CRYL1: variants seen among roughly 807,000 people sequenced by gnomAD.
CRYL1 encodes crystallin lambda 1, also known as lambda-crystallin homolog.
CRYL1 carries 29 observed loss-of-function variants against 36.6 expected under a neutral mutation model. That is an observed-to-expected ratio of 0.79 (90% CI 0.59 to 1.08). The LOEUF (loss-of-function observed/expected upper bound fraction) is 1.08. CRYL1 is among the 50% of genes least tolerant of loss of function. The pLI is 0.00. For missense variants in CRYL1, 411 were observed against 407.9 expected, an observed-to-expected ratio of 1.01 and a Z score of -0.06; for synonymous variants, 152 against 151.5, an observed-to-expected ratio of 1.00 and a Z score of -0.02.
chr13:20,500,760 C>T (rs1481779928), intron 2 of CRYL1, among the ~76,000 whole-genome samples: 3 of 152,118 alleles, frequency 2.0e-5, no homozygotes, highest in African/African-American at 4.8e-5. Flanking sequence ...GATGGATGAC[C>T]AGATGCCCCA....
At chr13:20,496,883 G>A (rs2033614383) in intron 2 of CRYL1, among the ~76,000 whole-genome samples, 2 of 150,788 alleles carry the variant, frequency 1.3e-5, no homozygotes, top group South Asian at 4.2e-4. Context: ...CAAGGTCAGA[G>A]ATTATTGGGA....
intron 6 of CRYL1, among the ~76,000 whole-genome samples, 162 bp from the exon 7 acceptor site, chr13:20,404,903 T>C (rs2031326443): frequency 6.6e-6 from 1 of 152,166 alleles, no homozygotes; most frequent in Admixed American, 6.6e-5. Flanking sequence ...TGTAAGGGCC[T>C]GCTGGCACTG....
intron 5 of CRYL1, among the ~76,000 whole-genome samples, chr13:20,416,038 C>A (rs1482350468): frequency 6.6e-6 from 1 of 152,206 alleles, no homozygotes; most frequent in East Asian, 1.9e-4. Context: ...CGGCTGGGGC[C>A]CAGAGCATCC....
intron 5 of CRYL1, chr13:20,431,393 C>A: frequency 1.0e-6 from 1 of 985,434 alleles, no homozygotes; most frequent in Non-Finnish European, 1.2e-6. Context: ...GTCTTGCCTT[C>A]CCCCTGCAGA....
intron 5 of CRYL1, among the ~76,000 whole-genome samples, chr13:20,428,162 G>A (rs775888552): frequency 1.6e-4 from 25 of 152,296 alleles, no homozygotes; most frequent in Non-Finnish European, 1.8e-4. Context: ...CCAATTCATT[G>A]TATGCAGCTA....
chr13:20,427,233 T>C (rs1001366952), intron 5 of CRYL1: 3 of 985,406 alleles, frequency 3.0e-6, no homozygotes, highest in Non-Finnish European at 3.6e-6. Context: ...TAAGTGTCAG[T>C]AGATTGTGGC....
intron 3 of CRYL1, among the ~76,000 whole-genome samples, chr13:20,453,899 A>T (rs888135558): frequency 2.6e-5 from 4 of 152,174 alleles, no homozygotes; most frequent in African/African-American, 9.6e-5. Flanking sequence ...AAATCCTACA[A>T]CTTAGAACAA....
chr13:20,480,020 C>T (rs1187864639), intron 3 of CRYL1, among the ~76,000 whole-genome samples: 3 of 152,200 alleles, frequency 2.0e-5, no homozygotes, highest in Admixed American at 1.3e-4. Context: ...ACACCTAAGT[C>T]AAAATCGCAA....
intron 2 of CRYL1, among the ~76,000 whole-genome samples, chr13:20,499,551 G>A (rs1390958199): frequency 6.6e-6 from 1 of 151,664 alleles, no homozygotes; most frequent in African/African-American, 2.4e-5. Context: ...TACTAGGGAG[G>A]CTGAGGCAGG....
chr13:20,451,473 G>T (rs1188121535), intron 3 of CRYL1, among the ~76,000 whole-genome samples: 1 of 152,104 alleles, frequency 6.6e-6, no homozygotes, highest in East Asian at 1.9e-4. Context: ...CATGAAAAAT[G>T]AGCAAAAGAC....
chr13:20,505,495 G>C (rs1251865100), intron 2 of CRYL1, among the ~76,000 whole-genome samples: 1 of 152,122 alleles, frequency 6.6e-6, no homozygotes, highest in Non-Finnish European at 1.5e-5. Flanking sequence ...AGGTTCCTGT[G>C]ACTCAGTCAA....
rs1307858639 is a variant in CRYL1, at chr13:20,425,495, C to T, written c.633+6607G>A. ...AGAAAAGGACAGGCCACGCAGGCAG[C>T]TTGCTGAGATGGCTTCCTGCTCAGA... On this transcript the variant is annotated intron_variant, in intron 5 of 7. Transcript: ENST00000298248. This position sits in a 1 kb window ranked among gnomAD's most constrained non-coding sequence, Gnocchi z 4.4. 6.6e-6 allele frequency among the ~76,000 whole-genome samples: 1 copy of T among 152,212 alleles called. No individual in the cohort carries two copies. Among genetic ancestry groups the T allele is most frequent in the African/African-American group, 2.4e-5 (1 of 41,456 alleles).
At chr13:20,472,729 A>G (rs567356129) in intron 3 of CRYL1, among the ~76,000 whole-genome samples, 1 of 152,266 alleles carries the variant, frequency 6.6e-6, no homozygotes, top group South Asian at 2.1e-4. Context: ...CTGTCACTGG[A>G]AGAAGCTGAG....
intron 5 of CRYL1, chr13:20,418,995 G>A (rs1320587462): frequency 3.3e-5 from 5 of 152,122 alleles, no homozygotes; most frequent in Non-Finnish European, 7.4e-5. Context: ...GCCCTACGAG[G>A]GCGACATGAA....
At chr13:20,437,968 T>C (rs6490577) in intron 4 of CRYL1, among the ~76,000 whole-genome samples, 105,196 of 152,042 alleles carry the variant, frequency 0.69, 36,600 homozygotes, top group East Asian at 0.85. Flanking sequence ...GCCCTGTCCG[T>C]GGACATGTAT....
chr13:20,487,813 T>A (rs9552201), intron 3 of CRYL1, among the ~76,000 whole-genome samples: 48,119 of 151,268 alleles, frequency 0.32, 8,458 homozygotes, highest in African/African-American at 0.48. Flanking sequence ...AAAAAAAACT[T>A]AACTCATGCA....
intron 3 of CRYL1, among the ~76,000 whole-genome samples, chr13:20,458,508 TA>T (rs1358826226): frequency 3.9e-5 from 6 of 152,192 alleles, no homozygotes; most frequent in African/African-American, 1.4e-4. Context: ...GTGGCCGCAT[TA>T]AAAAAGTAAA....
chr13:20,483,952 G>C (rs973312603), intron 3 of CRYL1, among the ~76,000 whole-genome samples: 3 of 152,138 alleles, frequency 2.0e-5, no homozygotes, highest in African/African-American at 4.8e-5. Flanking sequence ...GGGTAGCTGG[G>C]ACTACAGGTG....
intron 2 of CRYL1, among the ~76,000 whole-genome samples, chr13:20,490,259 C>T (rs2033483764): frequency 6.6e-6 from 1 of 152,116 alleles, no homozygotes; most frequent in African/African-American, 2.4e-5. Context: ...TGGCATTGTG[C>T]CGCGTGCCTG....
Sources: gnomAD v4.1 joint callset for allele counts (sites outside exome capture counted in the v4.1 genomes callset) on GRCh38, gnomAD v4.1.1 for gene constraint, Gnocchi (gnomAD v3.1) non-coding constraint, MANE v1.5 for transcripts, NCBI Gene and HGNC (gene_info 2026-07-23, HGNC 2026-07-21) for gene names.